The following SMC5 variants were observed in gnomAD, a reference collection of about 807,000 sequenced individuals.
The protein encoded by SMC5 is structural maintenance of chromosomes protein 5.
Under a neutral mutation model 148.3 loss-of-function variants are expected in SMC5, and 88 were observed. That is an observed-to-expected ratio of 0.59 (90% CI 0.50 to 0.71). SMC5 has a LOEUF of 0.71. Among genes scored for constraint, SMC5 ranks in the 30% least tolerant of loss-of-function variants. SMC5 has a pLI of 0.00. For synonymous variants in SMC5, 421 were observed against 432.8 expected (o/e 0.97, Z 0.34); for missense variants, 1,142 against 1,298.9 (o/e 0.88, Z 1.86).
At chr9:70,274,272 G>C (rs2034526994) in intron 3 of SMC5, among the ~76,000 whole-genome samples, 1 of 152,086 alleles carries the variant, frequency 6.6e-6, no homozygotes, top group Admixed American at 6.6e-5. Context: ...TAGTAGAGAT[G>C]GGGTTTCACC....
chr9:70,266,171 T>C (rs1342102132), intron 2 of SMC5, among the ~76,000 whole-genome samples: 1 of 151,764 alleles, frequency 6.6e-6, no homozygotes, highest in Non-Finnish European at 1.5e-5. Flanking sequence ...AAGATAGAAA[T>C]AATAAAAAAA....
chr9:70,324,795 C>T (rs1051876792), intron 17 of SMC5, among the ~76,000 whole-genome samples: 3 of 152,022 alleles, frequency 2.0e-5, no homozygotes, highest in African/African-American at 7.2e-5. Flanking sequence ...ACTCAGAATT[C>T]GAGAAAGCAC....
chr9:70,344,043 TATA>T, intron 17 of SMC5, 98 bp from the exon 18 acceptor site: 1 of 639,930 alleles, frequency 1.6e-6, no homozygotes, highest in Non-Finnish European at 2.3e-6. Context: ...TGATTATCAT[TATA>T]ATCAGAATTC....
intron 1 of SMC5, among the ~76,000 whole-genome samples, chr9:70,262,916 T>A (rs2034177947): frequency 6.6e-6 from 1 of 151,814 alleles, no homozygotes; most frequent in Admixed American, 6.6e-5. Flanking sequence ...AGACACTTGA[T>A]CTGGGTAGCT....
chr9:70,352,109 C>T, intron 24 of SMC5, 82 bp from the exon 25 acceptor site: 3 of 1,231,902 alleles, frequency 2.4e-6, no homozygotes, highest in South Asian at 3.4e-5. Context: ...TAAAATAATA[C>T]ATTTGACTGT....
chr9:70,354,076 A>G lies in SMC5; in HGVS notation c.*1745A>G, dbSNP rs1483370115. The G allele has an allele frequency of 3.3e-5, 5 of 152,254 alleles. No homozygotes were observed. Among genetic ancestry groups the G allele is most frequent in the Non-Finnish European group, 7.3e-5 (5 of 68,040 alleles). The allele number at this position is 152,254 out of a possible 1,614,324, so 9.4% of individuals were successfully genotyped here. A position where few individuals can be genotyped will look rare whatever the true frequency, so the allele number is the denominator to read the frequency against. On this transcript the variant is annotated 3_prime_UTR_variant, in exon 25 of 25. Transcript: ENST00000361138. ...ACTGTTCCATACTTTGTTTGTAAAC[A>G]TTTAATTTCTCTACTGGACAAAATT...
intron 8 of SMC5, among the ~76,000 whole-genome samples, chr9:70,294,536 T>C (rs1348314649): frequency 6.6e-6 from 1 of 152,108 alleles, no homozygotes; most frequent in Non-Finnish European, 1.5e-5. Flanking sequence ...GAAAGAAATG[T>C]AAAAAGGTAG....
intron 10 of SMC5, 150 bp downstream of exon 10, chr9:70,300,350 T>A: frequency 1.6e-6 from 1 of 624,246 alleles, no homozygotes; most frequent in Non-Finnish European, 2.6e-6. Context: ...CATGAGCTTT[T>A]TAAAGGTCCC....
At position 70,264,406 on chromosome 9, in the gene SMC5, T is replaced by A; in HGVS notation, c.288T>A (p.Gly96=). 2 of 1,614,044 alleles carry A rather than the reference T, an allele frequency of 1.2e-6. No homozygotes were observed. Among genetic ancestry groups the A allele is most frequent in the South Asian group, 2.2e-5 (2 of 91,074 alleles). The change falls in exon 2 of 25, where the codon GGT becomes GGA. Residue 96 remains glycine (G), a synonymous_variant. Transcript: ENST00000361138. ...KSSIVCAICL[G]LAGKPAFMGR... ...GCATTGTGTGTGCCATTTGCCTTGG[T>A]TTAGCTGGAAAACCTGCTTTCATGG...
chr9:70,295,401 G>A (rs1487116968), intron 8 of SMC5, among the ~76,000 whole-genome samples: 1 of 151,348 alleles, frequency 6.6e-6, no homozygotes, highest in East Asian at 2.0e-4. Flanking sequence ...AACCCAGGAG[G>A]CGGAGCTTGC....
At chr9:70,259,319 CG>C in intron 1 of SMC5, 56 bp downstream of exon 1, 1 of 1,482,632 alleles carries the variant, frequency 6.7e-7, no homozygotes, top group Non-Finnish European at 9.0e-7. Context: ...CAGCAGGCCC[CG>C]GGGCTCCGGC....
intron 13 of SMC5, among the ~76,000 whole-genome samples, chr9:70,318,153 C>G (rs1004297843): frequency 6.6e-6 from 1 of 152,036 alleles, no homozygotes; most frequent in East Asian, 1.9e-4. Flanking sequence ...AAGACCCAGG[C>G]GGGAGAATCT....
At chr9:70,289,437 A>G (rs1337219932) in intron 8 of SMC5, among the ~76,000 whole-genome samples, 1 of 151,986 alleles carries the variant, frequency 6.6e-6, no homozygotes, top group Non-Finnish European at 1.5e-5. Context: ...TAGATTTTAA[A>G]GCTTTCTTAT....
In SMC5 at chr9:70,344,341, T is replaced by C; in HGVS notation, c.2523+72T>C. The C allele has an allele frequency of 2.5e-6, 3 of 1,202,934 alleles. 1 individual carries two copies. In the South Asian group the frequency reaches 9.2e-5, roughly 37 times the overall value. 74.5% of individuals were successfully genotyped at this position (1,202,934 alleles called of 1,614,324 possible). On this transcript the variant is annotated intron_variant, in intron 18 of 24. Transcript: ENST00000361138. ...TTTAAGATTATGGAATCTTAGCCATTGTAACAGGCCGTGAAAAACATGATG... is the reference window on the plus strand; with the variant it reads ...TTTAAGATTATGGAATCTTAGCCATCGTAACAGGCCGTGAAAAACATGATG...
intron 1 of SMC5, among the ~76,000 whole-genome samples, chr9:70,261,110 A>G (rs1412918040): frequency 1.3e-5 from 2 of 152,216 alleles, no homozygotes; most frequent in African/African-American, 4.8e-5. Context: ...ATAGTTTGGT[A>G]TATTTAGAAA....
At chr9:70,271,286 A>G (rs2034444676) in intron 3 of SMC5, among the ~76,000 whole-genome samples, 3 of 152,212 alleles carry the variant, frequency 2.0e-5, no homozygotes, top group Admixed American at 6.5e-5. Flanking sequence ...TTTAAAGATA[A>G]ATTTAGAGCT....
chr9:70,262,035 A>G (rs1040643714), intron 1 of SMC5, among the ~76,000 whole-genome samples: 2 of 152,122 alleles, frequency 1.3e-5, no homozygotes, highest in Non-Finnish European at 2.9e-5. Context: ...GGTTGGTGAG[A>G]TGCTGTTTAT....
chr9:70,292,281 A>G (rs2035083341), intron 8 of SMC5, among the ~76,000 whole-genome samples: 1 of 152,174 alleles, frequency 6.6e-6, no homozygotes, highest in Non-Finnish European at 1.5e-5. Flanking sequence ...AATCTTTACT[A>G]TGTTGAATCT....
Position 70,282,427 on chromosome 9 carries a change from T to C in SMC5, c.825T>C (p.Tyr275=). The C allele has an allele frequency of 6.3e-7, 1 of 1,590,512 alleles. No homozygotes were observed. Among genetic ancestry groups the C allele is most frequent in the East Asian group, 2.3e-5 (1 of 43,840 alleles). ...TTTGTTGAATTATTTGCAAGGAATA[T>C]GAAAATGTTCGTCAGGAATATGAAG... The part of the protein sequence containing the change: ...MLEAKRPWVE[Y]ENVRQEYEEV... The change falls in exon 7 of 25, where the codon TAT becomes TAC. Residue 275 remains tyrosine, a synonymous_variant. Coordinates refer to ENST00000361138, the MANE Select transcript of SMC5 (RefSeq NM_015110.4).
Sources: allele counts gnomAD v4.1 joint callset (sites outside exome capture counted in the v4.1 genomes callset), GRCh38; gene constraint gnomAD v4.1.1; transcripts MANE v1.5; gene names NCBI Gene and HGNC (gene_info 2026-07-23, HGNC 2026-07-21).